Variants in DEFB112 observed in about 807,000 individuals in gnomAD.
The protein encoded by DEFB112 is defensin beta 112, also known as beta-defensin 112.
Under a neutral mutation model 1.1 loss-of-function variants are expected in DEFB112, and 2 were observed. The observed-to-expected ratio is 1.85, with a 90% CI of 0.76 to 5.83. The LOEUF (loss-of-function observed/expected upper bound fraction) is 5.83, where lower values mean the gene tolerates loss of function less well. Among genes scored for constraint, DEFB112 ranks in the 30% most tolerant of loss-of-function variants. The pLI, the probability that DEFB112 is intolerant of heterozygous loss-of-function variation, is 0.05. For synonymous variants in DEFB112, 40 were observed against 31.2 expected (o/e 1.28, Z -0.93); for missense variants, 120 against 94.4 (o/e 1.27, Z -1.12).
rs968007794 is a variant in DEFB112, at chr6:50,042,646, T to G, written c.*929A>C. On this transcript the variant is annotated 3_prime_UTR_variant, in exon 2 of 2. Coordinates refer to ENST00000651554, the MANE Select transcript of DEFB112 (RefSeq NM_001369057.2). The stretch of plus-strand genomic sequence containing the variant: ...TTTAGAGTTGATATTTCAAAATGTT[T>G]GAATAAGGGGAAAATCTTTAATCTA... Among the ~76,000 whole-genome samples, 3 of 151,880 alleles carry G rather than the reference T, an allele frequency of 2.0e-5. No homozygotes were observed. The highest frequency in any genetic ancestry group is 7.3e-5 in the African/African-American group (3 of 41,312).
At chr6:50,048,151 A>AT (rs1774866092) in intron 1 of DEFB112, among the ~76,000 whole-genome samples, 1 of 151,986 alleles carries the variant, frequency 6.6e-6, no homozygotes, top group African/African-American at 2.4e-5. Flanking sequence ...CCGTCTCAAA[A>AT]AAAAAAAAAT....
chr6:50,047,669 A>T (rs1774856528), intron 1 of DEFB112, among the ~76,000 whole-genome samples: 1 of 152,188 alleles, frequency 6.6e-6, no homozygotes, highest in African/African-American at 2.4e-5. Flanking sequence ...GTCAAAAAGA[A>T]TTCTTTTAAA....
chr6:50,049,773 C>A (rs531211435), intron 1 of DEFB112, among the ~76,000 whole-genome samples, 39 bp downstream of exon 1: 2 of 152,084 alleles, frequency 1.3e-5, no homozygotes, highest in East Asian at 3.9e-4. Context: ...GACTTTAATG[C>A]TGGCCCCTTG....
intron 1 of DEFB112, chr6:50,048,419 A>G: frequency 1.2e-6 from 1 of 824,932 alleles, no homozygotes; most frequent in Non-Finnish European, 2.0e-6. Flanking sequence ...GGTGAAAGAC[A>G]AGAACATATA....
Position 50,042,161 on chromosome 6 carries a change from G to C in DEFB112, c.*1414C>G, listed in dbSNP as rs1450730143. On this transcript the variant is annotated 3_prime_UTR_variant, in exon 2 of 2. Coordinates refer to ENST00000651554, the MANE Select transcript of DEFB112 (RefSeq NM_001369057.2). ...CCTACCACAGATACATTAAATTATA[G>C]TATAGGTATACTGTGAGACCCCTGA... 6.6e-6 allele frequency among the ~76,000 whole-genome samples: 1 copy of C among 151,908 alleles called. No individual in the cohort carries two copies. The highest frequency in any genetic ancestry group is 1.5e-5 in the Non-Finnish European group (1 of 67,926).
At chr6:50,045,715 G>A (rs1274982043) in intron 1 of DEFB112, among the ~76,000 whole-genome samples, 1 of 152,036 alleles carries the variant, frequency 6.6e-6, no homozygotes, top group African/African-American at 2.4e-5. Context: ...ACATACCTAG[G>A]CTGTAAGGTA....
intron 1 of DEFB112, among the ~76,000 whole-genome samples, chr6:50,047,489 T>C (rs1774853443): frequency 6.6e-6 from 1 of 152,192 alleles, no homozygotes; most frequent in Non-Finnish European, 1.5e-5. Flanking sequence ...CTTTAATGTG[T>C]CTTTTCTTAT....
chr6:50,047,998 T>A (rs1261475084), intron 1 of DEFB112, among the ~76,000 whole-genome samples: 2 of 151,820 alleles, frequency 1.3e-5, no homozygotes, highest in African/African-American at 4.8e-5. Context: ...ATACAAAAAA[T>A]TAGCGGGGCG....
intron 1 of DEFB112, among the ~76,000 whole-genome samples, chr6:50,049,134 C>T (rs182165826): frequency 6.6e-6 from 1 of 152,018 alleles, no homozygotes; most frequent in Admixed American, 6.6e-5. Context: ...TCCTTGTCCC[C>T]TTTTGGTGAG....
chr6:50,045,172 A>T (rs1774811250), intron 1 of DEFB112, among the ~76,000 whole-genome samples: 1 of 152,132 alleles, frequency 6.6e-6, no homozygotes, highest in Non-Finnish European at 1.5e-5. Context: ...ACCCTGAGAT[A>T]TGAAAGGTAC....
chr6:50,048,633 TG>T, intron 1 of DEFB112: 1 of 1,612,484 alleles, frequency 6.2e-7, no homozygotes, highest in East Asian at 2.2e-5. Context: ...AGTCTACATA[TG>T]GTTGTCAATA....
intron 1 of DEFB112, among the ~76,000 whole-genome samples, chr6:50,047,889 T>C (rs2113959538): frequency 6.6e-6 from 1 of 152,290 alleles, no homozygotes; most frequent in East Asian, 1.9e-4. Context: ...CTCACACCTG[T>C]AATCCCAGCA....
intron 1 of DEFB112, among the ~76,000 whole-genome samples, chr6:50,044,482 C>A (rs569882688): frequency 6.6e-6 from 1 of 152,022 alleles, no homozygotes; most frequent in African/African-American, 2.4e-5. Context: ...AAAAATGTCT[C>A]TAATCTCACT....
In DEFB112 at chr6:50,049,915, G is replaced by A. The variant is rs890911704; in HGVS notation, c.-46C>T. Among the ~76,000 whole-genome samples the A allele has an allele frequency of 1.3e-5, 2 of 151,878 alleles. No homozygotes were observed. The highest frequency in any genetic ancestry group is 2.9e-5 in the Non-Finnish European group (2 of 67,956). ...AAAACAGTGTACAGATCATCTGTCT[G>A]ACTCAGCTGTTGTTGAAACAAGAAA... On this transcript the variant is annotated 5_prime_UTR_variant, in exon 1 of 2. Coordinates refer to ENST00000651554, the MANE Select transcript of DEFB112 (RefSeq NM_001369057.2).
chr6:50,043,653 G>A lies in DEFB112; in HGVS notation c.207C>T (p.Asp69=). 1 of 1,613,510 alleles carries A rather than the reference G, an allele frequency of 6.2e-7. No individual in the cohort carries two copies. Residue 69 remains aspartate (D), a synonymous_variant, in exon 2 of 2, where the codon GAC becomes GAT. Coordinates refer to ENST00000651554, the MANE Select transcript of DEFB112 (RefSeq NM_001369057.2). ...GGATCCAATTATTTGGGTCCGTAGG[G>A]TCACATTCTGTCACGCAGCAATGAG... The part of the protein sequence containing the change: ...PTTHCCVTEC[D]PTDPNNWIPK...
At chr6:50,049,589 G>T (rs1460192161) in intron 1 of DEFB112, among the ~76,000 whole-genome samples, 1 of 151,998 alleles carries the variant, frequency 6.6e-6, no homozygotes, top group Non-Finnish European at 1.5e-5. Flanking sequence ...GCATATATAT[G>T]AATGTATATT....
Position 50,042,239 on chromosome 6 carries a change from T to G in DEFB112, c.*1336A>C, listed in dbSNP as rs2113955349. ...CCAAAATCACAAGATGCAAATAGGG[T>G]TATTTAGCTCCAAATTGACACTGGT... On this transcript the variant is annotated 3_prime_UTR_variant, in exon 2 of 2. Coordinates refer to ENST00000651554, the MANE Select transcript of DEFB112 (RefSeq NM_001369057.2). 6.6e-6 allele frequency among the ~76,000 whole-genome samples: 1 copy of G among 151,956 alleles called. No homozygotes were observed. Among genetic ancestry groups the G allele is most frequent in the African/African-American group, 2.4e-5 (1 of 41,478 alleles).
intron 1 of DEFB112, among the ~76,000 whole-genome samples, chr6:50,046,521 G>A (rs1429357678): frequency 2.0e-5 from 3 of 152,014 alleles, no homozygotes; most frequent in African/African-American, 7.3e-5. Flanking sequence ...ATGTTCTGTT[G>A]AATGTATGGT....
At chr6:50,048,335 A>G (rs1046014930) in intron 1 of DEFB112, among the ~76,000 whole-genome samples, 5 of 152,202 alleles carry the variant, frequency 3.3e-5, no homozygotes, top group African/African-American at 1.2e-4. Flanking sequence ...TATCAAAAAA[A>G]TCGGCCTCTA....
Sources: allele counts gnomAD v4.1 joint callset (sites outside exome capture counted in the v4.1 genomes callset), GRCh38; gene constraint gnomAD v4.1.1; transcripts MANE v1.5; gene names NCBI Gene and HGNC (gene_info 2026-07-23, HGNC 2026-07-21).